IQCM: variants seen among roughly 807,000 people sequenced by gnomAD.
IQCM encodes IQ domain-containing protein M.
IQCM carries 45 observed loss-of-function variants against 57.6 expected under a neutral mutation model. That is an observed-to-expected ratio of 0.78 (90% CI 0.62 to 1.00). The LOEUF (loss-of-function observed/expected upper bound fraction) is 1.00. Ranked by LOEUF, IQCM falls within the 50% of genes least tolerant of loss-of-function variation. IQCM has a pLI of 0.00. For missense variants in IQCM, 468 were observed against 511.6 expected (o/e 0.91, Z 0.82); for synonymous variants, 148 against 158.9 (o/e 0.93, Z 0.51).
intron 12 of IQCM, among the ~76,000 whole-genome samples, chr4:149,468,868 G>A (rs913644199): frequency 1.3e-5 from 2 of 152,110 alleles, no homozygotes; most frequent in Admixed American, 6.5e-5. Context: ...AAACAGGGTC[G>A]GAGTTCACCT....
At chr4:149,550,253 G>A (rs1748899325) in intron 11 of IQCM, among the ~76,000 whole-genome samples, 1 of 152,166 alleles carries the variant, frequency 6.6e-6, no homozygotes, top group Admixed American at 6.5e-5. Flanking sequence ...AGCTTCAGTT[G>A]TCCAGGTAGT....
intron 7 of IQCM, among the ~76,000 whole-genome samples, chr4:149,621,728 C>T (rs1052523520): frequency 1.1e-4 from 17 of 152,224 alleles, no homozygotes; most frequent in African/African-American, 3.6e-4. Flanking sequence ...AGGTCGAAAG[C>T]ACAAAAGGTT....
intron 13 of IQCM, among the ~76,000 whole-genome samples, chr4:149,390,609 A>T (rs769889877): frequency 7.8e-4 from 119 of 151,898 alleles, no homozygotes; most frequent in Non-Finnish European, 2.1e-4. Flanking sequence ...TTACATTCTC[A>T]GTTTGTTGAG....
At chr4:149,790,223 A>G (rs761130712) in intron 2 of IQCM, 4 of 304,810 alleles carry the variant, frequency 1.3e-5, no homozygotes, top group Non-Finnish European at 2.6e-5. Flanking sequence ...CTTGCAGAAC[A>G]ATAATGATGC....
intron 13 of IQCM, among the ~76,000 whole-genome samples, chr4:149,359,006 G>GA (rs1729279075): frequency 6.7e-6 from 1 of 148,460 alleles, no homozygotes; most frequent in African/African-American, 2.6e-5. Flanking sequence ...AAGAAAAAAT[G>GA]AAAAAACCTA....
chr4:149,515,814 T>C (rs1456864767), intron 12 of IQCM, among the ~76,000 whole-genome samples: 1 of 152,060 alleles, frequency 6.6e-6, no homozygotes, highest in Non-Finnish European at 1.5e-5. Flanking sequence ...ACTAGAAAAC[T>C]GGTGACAAAG....
At chr4:149,774,285 G>A (rs1472075002) in intron 2 of IQCM, among the ~76,000 whole-genome samples, 9 of 152,004 alleles carry the variant, frequency 5.9e-5, no homozygotes, top group Middle Eastern at 3.2e-3. Context: ...GTATATACAC[G>A]CTGGTCCTGA....
At chr4:149,370,534 TACACACTATAC>T (rs1052306313) in intron 13 of IQCM, among the ~76,000 whole-genome samples, 4 of 150,878 alleles carry the variant, frequency 2.7e-5, no homozygotes, top group Non-Finnish European at 4.4e-5. Flanking sequence ...CACACACACA[TACACACTATAC>T]ACACACTATA....
chr4:149,495,822 G>T (rs1412718295), intron 12 of IQCM, among the ~76,000 whole-genome samples: 1 of 152,102 alleles, frequency 6.6e-6, no homozygotes, highest in Admixed American at 6.6e-5. Context: ...ATGTAATTTT[G>T]CCTAAGTCAT....
intron 3 of IQCM, among the ~76,000 whole-genome samples, chr4:149,740,226 C>G (rs1159890843): frequency 6.6e-6 from 1 of 152,150 alleles, no homozygotes; most frequent in East Asian, 1.9e-4. Flanking sequence ...AAGGCCAACC[C>G]TGTGTATGTA....
At chr4:149,691,914 C>A (rs373688595) in intron 5 of IQCM, 1 of 152,294 alleles carries the variant, frequency 6.6e-6, no homozygotes, top group African/African-American at 2.4e-5. Flanking sequence ...AAATACACAT[C>A]TATGCTTAAA....
chr4:149,754,375 C>T (rs1391770523), intron 2 of IQCM, among the ~76,000 whole-genome samples: 1 of 152,166 alleles, frequency 6.6e-6, no homozygotes, highest in Non-Finnish European at 1.5e-5. Context: ...TCTGACAATT[C>T]CTGCTTTCTT....
At chr4:149,453,699 CA>C (rs2111423500) in intron 12 of IQCM, among the ~76,000 whole-genome samples, 1 of 151,762 alleles carries the variant, frequency 6.6e-6, no homozygotes, top group Non-Finnish European at 1.5e-5. Flanking sequence ...TGATGATAAT[CA>C]AAAAGACAGA....
chr4:149,455,274 G>A (rs1737572031), intron 12 of IQCM, among the ~76,000 whole-genome samples: 2 of 151,964 alleles, frequency 1.3e-5, no homozygotes, highest in East Asian at 1.9e-4. Flanking sequence ...TATAGATATG[G>A]CTCATTCACT....
At chr4:149,453,723 A>G (rs773408427) in intron 12 of IQCM, among the ~76,000 whole-genome samples, 42 of 151,882 alleles carry the variant, frequency 2.8e-4, no homozygotes, top group Non-Finnish European at 6.0e-4. Flanking sequence ...ATAACAGGTG[A>G]CAGCAAAGAT....
chr4:149,595,954 CA>C (rs1232924468), intron 8 of IQCM, among the ~76,000 whole-genome samples: 1 of 152,012 alleles, frequency 6.6e-6, no homozygotes, highest in Non-Finnish European at 1.5e-5. Context: ...GCCATGGCTT[CA>C]AAAAGCCATT....
intron 2 of IQCM, among the ~76,000 whole-genome samples, chr4:149,753,009 T>C (rs1768604332): frequency 6.6e-6 from 1 of 152,104 alleles, no homozygotes; most frequent in African/African-American, 2.4e-5. Flanking sequence ...CAATATAAGA[T>C]CTGGTTCTGG....
At chr4:149,411,897 CT>C (rs1371773768) in intron 13 of IQCM, among the ~76,000 whole-genome samples, 3 of 152,072 alleles carry the variant, frequency 2.0e-5, no homozygotes, top group Non-Finnish European at 4.4e-5. Context: ...CCAGATTGTT[CT>C]TTTTTTCTAC....
At chr4:149,397,827 C>A (rs1004061118) in intron 13 of IQCM, among the ~76,000 whole-genome samples, 1 of 151,746 alleles carries the variant, frequency 6.6e-6, no homozygotes, top group Non-Finnish European at 1.5e-5. Flanking sequence ...AGAGATTAAC[C>A]CCTTATCAGA....
Sources: gnomAD v4.1 joint callset for allele counts (sites outside exome capture counted in the v4.1 genomes callset) on GRCh38, gnomAD v4.1.1 for gene constraint, MANE v1.5 for transcripts, NCBI Gene and HGNC (gene_info 2026-07-23, HGNC 2026-07-21) for gene names.